ABHD6: variants seen among roughly 807,000 people sequenced by gnomAD.
ABHD6 encodes the protein monoacylglycerol lipase ABHD6.
Under a neutral mutation model 38.8 loss-of-function variants are expected in ABHD6, and 33 were observed. That is an observed-to-expected ratio of 0.85 (90% CI 0.64 to 1.14). The LOEUF is 1.14. Ranked by LOEUF, ABHD6 falls within the 50% of genes most tolerant of loss-of-function variation. ABHD6 has a pLI of 0.00. For missense variants in ABHD6, 380 were observed against 422.6 expected, an observed-to-expected ratio of 0.90 and a Z score of 0.88; for synonymous variants, 147 against 161.6, an observed-to-expected ratio of 0.91 and a Z score of 0.69.
chr3:58,258,790 G>A (rs1397045915), intron 3 of ABHD6, among the ~76,000 whole-genome samples: 1 of 152,126 alleles, frequency 6.6e-6, no homozygotes, highest in Non-Finnish European at 1.5e-5. Context: ...TCTAATCCTT[G>A]AAACTAATTG....
At chr3:58,272,588 T>G (rs1286596929) in intron 6 of ABHD6, among the ~76,000 whole-genome samples, 1 of 152,166 alleles carries the variant, frequency 6.6e-6, no homozygotes, top group Non-Finnish European at 1.5e-5. Flanking sequence ...CTGAAATAAT[T>G]TGATCTTATA....
At chr3:58,254,081 GA>G (rs1464588155) in intron 2 of ABHD6, among the ~76,000 whole-genome samples, 2 of 152,050 alleles carry the variant, frequency 1.3e-5, no homozygotes, top group Admixed American at 6.6e-5. Context: ...CAGGCCATTT[GA>G]AAAAAATAAA....
At chr3:58,281,243 G>C (rs1484506789) in intron 7 of ABHD6, among the ~76,000 whole-genome samples, 2 of 152,232 alleles carry the variant, frequency 1.3e-5, no homozygotes, top group African/African-American at 4.8e-5. Context: ...AGCTGTGGTG[G>C]GCTTTGCCGA....
chr3:58,289,863 G>C (rs1464290385), intron 9 of ABHD6, among the ~76,000 whole-genome samples: 1 of 105,868 alleles, frequency 9.4e-6, no homozygotes, highest in African/African-American at 5.9e-5. Context: ...CCGGGTAGGG[G>C]GCTGACCCCC....
chr3:58,289,251 T>G (rs763822346), intron 9 of ABHD6, among the ~76,000 whole-genome samples: 18 of 152,012 alleles, frequency 1.2e-4, no homozygotes, highest in Non-Finnish European at 1.8e-4. Context: ...TTTTATTTTT[T>G]TTATTGATCA....
chr3:58,286,852 G>GTATATA (rs1235603195), intron 9 of ABHD6, among the ~76,000 whole-genome samples: 1,926 of 67,020 alleles, frequency 0.029, 141 homozygotes, highest in East Asian at 0.19. Context: ...GTGTGTGTGT[G>GTATATA]TATATATATA....
rs9986 is a variant in ABHD6 at position 58,294,679 on chromosome 3, A to G, written c.*914A>G. ...AATGTGATTGAAAATAAGTCTAAAC[A>G]GCTGTAAAAGTGACCACAATGACAT... On this transcript the variant is annotated 3_prime_UTR_variant, in exon 10 of 10. Transcript: ENST00000478253. 0.23 allele frequency: 35,036 copies of G among 152,598 alleles called. 5,801 individuals are homozygous for G. Among genetic ancestry groups the G allele is most frequent in the East Asian group, 0.78 (4,037 of 5,160 alleles). The allele number at this position is 152,598 out of a possible 1,614,324, so 9.5% of individuals were successfully genotyped here.
chr3:58,275,412 C>G (rs1279316854), intron 7 of ABHD6, among the ~76,000 whole-genome samples: 1 of 150,212 alleles, frequency 6.7e-6, no homozygotes, highest in African/African-American at 2.5e-5. Context: ...TCACTGCAAC[C>G]TCTGCCTCCC....
At chr3:58,252,661 G>A (rs1225802430) in intron 2 of ABHD6, among the ~76,000 whole-genome samples, 1 of 152,224 alleles carries the variant, frequency 6.6e-6, no homozygotes, top group African/African-American at 2.4e-5. Context: ...GCTCACTAAA[G>A]TCATCTTGCA....
rs760825410 is a variant in ABHD6, at chr3:58,267,167, C to T, written c.120-22C>T. 3.1e-6 allele frequency: 5 copies of T among 1,612,378 alleles called. No individual in the cohort carries two copies. Among genetic ancestry groups the T allele is most frequent in the East Asian group, 4.5e-5 (2 of 44,860 alleles). Reference sequence around the variant, plus strand: ...CTAGAGCTTACTGATTTCGTTTTGTCTTTATTTCTCACCCCTTCCAGGTAC... The same window carrying T: ...CTAGAGCTTACTGATTTCGTTTTGTTTTTATTTCTCACCCCTTCCAGGTAC... On this transcript the variant is annotated intron_variant, in intron 3 of 9. Coordinates refer to ENST00000478253, the MANE Select transcript of ABHD6 (RefSeq NM_001320126.2). This position sits in a 1 kb window ranked among gnomAD's most constrained non-coding sequence, Gnocchi z 4.3.
chr3:58,290,317 C>T (rs1230023613), intron 9 of ABHD6, among the ~76,000 whole-genome samples: 11 of 139,784 alleles, frequency 7.9e-5, no homozygotes, highest in Non-Finnish European at 1.1e-4. Context: ...ACCTCCCTCC[C>T]GGACGGGGCG....
chr3:58,289,231 TTTTTTA>T, intron 9 of ABHD6, among the ~76,000 whole-genome samples: 1 of 151,112 alleles, frequency 6.6e-6, no homozygotes, highest in African/African-American at 2.4e-5. Flanking sequence ...ATTTTTTATT[TTTTTTA>T]TTTTTTTATT....
chr3:58,262,480 A>T (rs1463373906), intron 3 of ABHD6, among the ~76,000 whole-genome samples: 1 of 152,188 alleles, frequency 6.6e-6, no homozygotes, highest in South Asian at 2.1e-4. Flanking sequence ...TATTTAGGTC[A>T]ATAGAGCCTT....
At chr3:58,253,162 GA>G (rs1465242399) in intron 2 of ABHD6, among the ~76,000 whole-genome samples, 3 of 76,820 alleles carry the variant, frequency 3.9e-5, no homozygotes, top group African/African-American at 2.3e-4. Context: ...ACAGAGCACA[GA>G]GGGGTTTTTT....
intron 7 of ABHD6, among the ~76,000 whole-genome samples, chr3:58,275,330 C>CTTTT (rs34839470): frequency 7.5e-6 from 1 of 133,238 alleles, no homozygotes; most frequent in African/African-American, 2.9e-5. Context: ...CCCTTATACT[C>CTTTT]TTTTTTTTTT....
rs1434215312 is a variant in ABHD6 at position 58,285,359 on chromosome 3, T to C, written c.743T>C (p.Leu248Ser). 6.2e-7 allele frequency: 1 copy of C among 1,614,178 alleles called. No homozygotes were observed. Among genetic ancestry groups the C allele is most frequent in the Middle Eastern group, 1.6e-4 (1 of 6,062 alleles). Residue 248 changes from leucine (L) to serine (S), a missense_variant, in exon 9 of 10, where the codon TTG becomes TCG. Coordinates refer to ENST00000478253, the MANE Select transcript of ABHD6 (RefSeq NM_001320126.2). The surrounding 1 kb of genome is among the most constrained non-coding windows in gnomAD (Gnocchi z 4.9). ...PHNNFYRKLF[L>S]EIVSEKSRYS... ...GTTTTCCTTTTCTGACAAGTGTTTT[T>C]GGAAATCGTCAGTGAGAAGTCCAGA...
chr3:58,258,914 C>G (rs1164850298), intron 3 of ABHD6, among the ~76,000 whole-genome samples: 2 of 152,180 alleles, frequency 1.3e-5, no homozygotes, highest in Non-Finnish European at 2.9e-5. Context: ...AAGCGAGACT[C>G]ACTCTGAAGC....
At chr3:58,240,787 G>A (rs2097422264) in intron 1 of ABHD6, among the ~76,000 whole-genome samples, 1 of 149,836 alleles carries the variant, frequency 6.7e-6, no homozygotes. Flanking sequence ...CTGGAGTGCA[G>A]TAGCGCGATC....
At chr3:58,290,593 C>T (rs973742860) in intron 9 of ABHD6, among the ~76,000 whole-genome samples, 22 of 146,350 alleles carry the variant, frequency 1.5e-4, no homozygotes. Context: ...GGGGTGGCTG[C>T]CGGGCGGAGG....
Sources: allele counts gnomAD v4.1 joint callset (sites outside exome capture counted in the v4.1 genomes callset), GRCh38; gene constraint gnomAD v4.1.1; non-coding constraint Gnocchi (gnomAD v3.1); transcripts MANE v1.5; gene names NCBI Gene and HGNC (gene_info 2026-07-23, HGNC 2026-07-21).